The following PTPRQ variants were observed in gnomAD, a reference collection of about 807,000 sequenced individuals.
The protein encoded by PTPRQ is protein tyrosine phosphatase receptor type Q.
In PTPRQ, 199 loss-of-function variants were observed where a neutral mutation model predicts 246.0. The ratio of observed to expected loss-of-function variants is 0.81; its 90% CI spans 0.72 to 0.91. The LOEUF is 0.91. Among genes scored for constraint, PTPRQ ranks in the 40% least tolerant of loss-of-function variants. The pLI, the probability that PTPRQ is intolerant of heterozygous loss-of-function variation, is 0.00. For synonymous variants in PTPRQ, 869 were observed against 853.2 expected (o/e 1.02, Z -0.32); for missense variants, 2,624 against 2,528.4 (o/e 1.04, Z -0.81).
chr12:80,566,042 A>C (rs1896968507), intron 25 of PTPRQ, among the ~76,000 whole-genome samples: 1 of 152,226 alleles, frequency 6.6e-6, no homozygotes, highest in Non-Finnish European at 1.5e-5. Context: ...AACCTTGAAT[A>C]AATCACCCAT....
intron 26 of PTPRQ, among the ~76,000 whole-genome samples, chr12:80,592,500 T>C (rs1267515043): frequency 6.6e-6 from 1 of 152,206 alleles, no homozygotes; most frequent in Non-Finnish European, 1.5e-5. Context: ...TATTGCAACA[T>C]AATATATATG....
Position 80,496,010 on chromosome 12 carries a change from T to TA in PTPRQ, c.1895dup (p.Tyr632Ter), listed in dbSNP as rs1894606785. ...NSFLITGLKKYTKYKMRVAAS... is the reference protein window; with the variant it reads ...NSFLITGLKK ...TCTTGTCCTTATAGGGTTAAAGAAA[T>TA]ACACAAAATACAAAATGAGAGTGGC... The change falls in exon 13 of 45, where the codon TAC (tyrosine) becomes TAAC (stop). Residue 632 changes from tyrosine to a stop codon, truncating the protein, a stop_gained and frameshift_variant. Transcript: ENST00000644991. LOFTEE classifies it high-confidence loss of function. 3.9e-6 allele frequency: 6 copies of TA among 1,549,482 alleles called. No homozygotes were observed. Among genetic ancestry groups the TA allele is most frequent in the Non-Finnish European group, 4.4e-6 (5 of 1,145,930 alleles).
chr12:80,635,211 C>T lies in PTPRQ; in HGVS notation c.5915+138C>T, dbSNP rs1032796656. On this transcript the variant is annotated intron_variant, in intron 35 of 44. Transcript: ENST00000644991. ...AGATCTTCTTTCAAAGAGTGACCTC[C>T]GTCTTCTACACACTTCTCACTGCTG... The T allele has an allele frequency of 1.8e-5, 23 of 1,306,236 alleles. No homozygotes were observed. The East Asian group carries it at 2.9e-4, about 17-fold the overall frequency. 80.9% of individuals were successfully genotyped at this position (1,306,236 alleles called of 1,614,324 possible). A position where few individuals can be genotyped will look rare whatever the true frequency, so the allele number is the denominator to read the frequency against.
intron 25 of PTPRQ, among the ~76,000 whole-genome samples, chr12:80,584,795 A>G (rs1897557103): frequency 6.6e-6 from 1 of 152,152 alleles, no homozygotes; most frequent in Non-Finnish European, 1.5e-5. Flanking sequence ...AATGTATCTT[A>G]TGTTCAGATG....
chr12:80,544,490 TA>T (rs1896246848), intron 23 of PTPRQ, among the ~76,000 whole-genome samples: 1 of 152,198 alleles, frequency 6.6e-6, no homozygotes, highest in Admixed American at 6.6e-5. Flanking sequence ...ATACCATCTT[TA>T]TACCATTAAG....
intron 23 of PTPRQ, among the ~76,000 whole-genome samples, chr12:80,544,229 T>C (rs1896239139): frequency 6.6e-6 from 1 of 152,104 alleles, no homozygotes; most frequent in Non-Finnish European, 1.5e-5. Context: ...ACATTCGAAA[T>C]TGAGGATTAA....
chr12:80,620,841 A>G (rs1347904269), intron 32 of PTPRQ, among the ~76,000 whole-genome samples: 1 of 151,852 alleles, frequency 6.6e-6, no homozygotes, highest in Non-Finnish European at 1.5e-5. Context: ...CTCATGAATG[A>G]GTGATAGAAA....
At chr12:80,457,345 G>A (rs950019091) in intron 3 of PTPRQ, among the ~76,000 whole-genome samples, 2 of 151,942 alleles carry the variant, frequency 1.3e-5, no homozygotes, top group African/African-American at 4.8e-5. Flanking sequence ...GTGACCTTGG[G>A]CAAAGGTATT....
chr12:80,554,775 CTA>C (rs1208950694), intron 25 of PTPRQ, among the ~76,000 whole-genome samples: 3 of 152,146 alleles, frequency 2.0e-5, no homozygotes, highest in African/African-American at 7.2e-5. Flanking sequence ...CAATATCGCA[CTA>C]TGTCACCGAG....
chr12:80,503,032 G>C (rs1274285902), intron 14 of PTPRQ, among the ~76,000 whole-genome samples: 12 of 151,736 alleles, frequency 7.9e-5, no homozygotes, highest in Admixed American at 6.6e-4. Flanking sequence ...GGGGTAGCAC[G>C]TGATGGTATC....
chr12:80,646,307 T>C (rs1900069718), intron 35 of PTPRQ, among the ~76,000 whole-genome samples: 1 of 152,170 alleles, frequency 6.6e-6, no homozygotes, highest in Non-Finnish European at 1.5e-5. Flanking sequence ...AATTAAGTAT[T>C]GCACATGATA....
chr12:80,551,067 AC>A (rs1896460790), intron 25 of PTPRQ, among the ~76,000 whole-genome samples: 1 of 151,874 alleles, frequency 6.6e-6, no homozygotes, highest in African/African-American at 2.4e-5. Context: ...CTAGGATATT[AC>A]CCCATCAATT....
chr12:80,615,272 T>C (rs1365377887), intron 29 of PTPRQ, among the ~76,000 whole-genome samples: 1 of 151,026 alleles, frequency 6.6e-6, no homozygotes, highest in Non-Finnish European at 1.5e-5. Context: ...TCTTGGTTTA[T>C]TTATCATATC....
chr12:80,448,615 A>G (rs1272600245), intron 3 of PTPRQ, among the ~76,000 whole-genome samples: 1 of 150,836 alleles, frequency 6.6e-6, no homozygotes, highest in Non-Finnish European at 1.5e-5. Flanking sequence ...ATGAGTGAGA[A>G]TATGCGGTAC....
intron 26 of PTPRQ, among the ~76,000 whole-genome samples, chr12:80,592,767 T>C (rs1897843010): frequency 2.0e-5 from 3 of 152,174 alleles, no homozygotes; most frequent in African/African-American, 7.2e-5. Context: ...CCCAGCACTT[T>C]GGGAGGCTGA....
chr12:80,522,395 C>G (rs1183876079), intron 17 of PTPRQ, among the ~76,000 whole-genome samples: 2 of 152,140 alleles, frequency 1.3e-5, no homozygotes, highest in East Asian at 1.9e-4. Flanking sequence ...ACTTCCAACA[C>G]TATGTTGAAT....
chr12:80,596,098 A>C (rs1897962485), intron 26 of PTPRQ, among the ~76,000 whole-genome samples: 1 of 152,084 alleles, frequency 6.6e-6, no homozygotes, highest in African/African-American at 2.4e-5. Context: ...AGTGAGACAG[A>C]GTTATAATAG....
chr12:80,574,589 T>G (rs895891616), intron 25 of PTPRQ, among the ~76,000 whole-genome samples: 1 of 152,160 alleles, frequency 6.6e-6, no homozygotes, highest in African/African-American at 2.4e-5. Context: ...GTATTATTAT[T>G]TTTCGTGGCT....
intron 33 of PTPRQ, among the ~76,000 whole-genome samples, chr12:80,622,589 T>C (rs750161766): frequency 6.6e-6 from 1 of 152,064 alleles, no homozygotes; most frequent in Non-Finnish European, 1.5e-5. Context: ...GCCCTAATGT[T>C]GACTCCATTT....
Sources: allele counts gnomAD v4.1 joint callset (sites outside exome capture counted in the v4.1 genomes callset), GRCh38; gene constraint gnomAD v4.1.1; transcripts MANE v1.5; gene names NCBI Gene and HGNC (gene_info 2026-07-23, HGNC 2026-07-21).